The following ODR4 variants were observed in gnomAD, a reference collection of about 807,000 sequenced individuals.
ODR4 encodes odr-4 GPCR localization factor homolog, also known as protein odr-4 homolog.
Under a neutral mutation model 60.2 loss-of-function variants are expected in ODR4, and 47 were observed. The ratio of observed to expected loss-of-function variants is 0.78; its 90% CI spans 0.62 to 1.00. The LOEUF (loss-of-function observed/expected upper bound fraction) is 1.00, where lower values mean the gene tolerates loss of function less well. Among genes scored for constraint, ODR4 ranks in the 50% least tolerant of loss-of-function variants. The pLI, the probability that ODR4 is intolerant of heterozygous loss-of-function variation, is 0.00. For missense variants in ODR4, 488 were observed against 530.8 expected, an observed-to-expected ratio of 0.92 and a Z score of 0.79; for synonymous variants, 178 against 175.5, an observed-to-expected ratio of 1.01 and a Z score of -0.11.
intron 1 of ODR4, among the ~76,000 whole-genome samples, chr1:186,378,301 A>G (rs1571654475): frequency 6.6e-6 from 1 of 152,168 alleles, no homozygotes; most frequent in Non-Finnish European, 1.5e-5. Flanking sequence ...ACAGAATCCA[A>G]ATGATGATGA....
At chr1:186,379,346 G>A (rs2102010404) in intron 1 of ODR4, among the ~76,000 whole-genome samples, 1 of 151,892 alleles carries the variant, frequency 6.6e-6, no homozygotes. Flanking sequence ...AGGAGGCCGA[G>A]GCAGGAGAAT....
At chr1:186,381,805 T>C (rs541047589) in intron 2 of ODR4, among the ~76,000 whole-genome samples, 19 of 152,316 alleles carry the variant, frequency 1.2e-4, no homozygotes, top group South Asian at 2.1e-4. Flanking sequence ...TTCAAAGTTA[T>C]ACATTTTATG....
intron 11 of ODR4, among the ~76,000 whole-genome samples, chr1:186,400,264 A>G (rs2102059147): frequency 6.6e-6 from 1 of 151,800 alleles, no homozygotes; most frequent in African/African-American, 2.4e-5. Context: ...TGCTGGGATT[A>G]CAGGCATGAG....
intron 2 of ODR4, among the ~76,000 whole-genome samples, chr1:186,380,222 T>C (rs1659971915): frequency 2.0e-5 from 3 of 152,212 alleles, no homozygotes; most frequent in Admixed American, 2.0e-4. Flanking sequence ...TCTAATCTTT[T>C]TAATATCTGG....
intron 9 of ODR4, among the ~76,000 whole-genome samples, chr1:186,396,187 C>T (rs1358098993): frequency 6.6e-6 from 1 of 152,118 alleles, no homozygotes; most frequent in Non-Finnish European, 1.5e-5. Flanking sequence ...ATAGAAGTTC[C>T]CTCACCTATA....
intron 12 of ODR4, among the ~76,000 whole-genome samples, chr1:186,408,738 A>T (rs1661265140): frequency 6.6e-6 from 1 of 151,366 alleles, no homozygotes; most frequent in South Asian, 2.1e-4. Flanking sequence ...ATTATTTGTC[A>T]CATTCTTGTG....
intron 12 of ODR4, among the ~76,000 whole-genome samples, chr1:186,407,976 C>T (rs543117973): frequency 3.0e-4 from 46 of 152,194 alleles, no homozygotes; most frequent in African/African-American, 1.1e-3. Flanking sequence ...CTTAAATATA[C>T]TCTGATTTGC....
At chr1:186,412,681 G>A (rs143327766) in intron 12 of ODR4, among the ~76,000 whole-genome samples, 151 of 152,098 alleles carry the variant, frequency 9.9e-4, no homozygotes, top group African/African-American at 3.5e-3. Flanking sequence ...CTCAAAGATA[G>A]TAGATGCCAT....
rs1661170294 is a variant in ODR4, at chr1:186,406,247, A to T, written c.1165A>T (p.Ile389Phe). The change falls in exon 12 of 14, where the codon ATT becomes TTT. Residue 389 changes from isoleucine to phenylalanine, a missense_variant. By Grantham distance (21) the Ile-to-Phe change is conservative (BLOSUM62 0). Transcript: ENST00000287859. Reference protein sequence around the residue: ...DHTIQIEDLEIAEETNTACMS... With the variant: ...DHTIQIEDLEFAEETNTACMS... Reference sequence around the variant, plus strand: ...CACAATTCAAATAGAAGATTTGGAAATTGCAGAGGAAACAAACACAGGTCA... The same window carrying T: ...CACAATTCAAATAGAAGATTTGGAATTTGCAGAGGAAACAAACACAGGTCA... 6.2e-7 allele frequency: 1 copy of T among 1,605,494 alleles called. No individual in the cohort carries two copies. The highest frequency in any genetic ancestry group is 1.1e-5 in the South Asian group (1 of 89,246).
At chr1:186,416,443 G>C (rs1244780144) in intron 12 of ODR4, among the ~76,000 whole-genome samples, 4 of 151,824 alleles carry the variant, frequency 2.6e-5, no homozygotes, top group Non-Finnish European at 5.9e-5. Context: ...AGGCCAAGGT[G>C]GGCAGATTAC....
downstream of ODR4, among the ~76,000 whole-genome samples, chr1:186,425,354 G>T (rs1410068880): frequency 6.6e-6 from 1 of 152,136 alleles, no homozygotes; most frequent in East Asian, 1.9e-4. Flanking sequence ...GAGGTACATA[G>T]CAGTGAATGG....
In ODR4 at chr1:186,395,335, C is replaced by T. The variant is rs573846413; in HGVS notation, c.780+1320C>T. ...GTCTCAATCTCCTGACCATATGATCCGCCTGCCTCGGCCTCCCAAAGTGCT... is the reference window on the plus strand; with the variant it reads ...GTCTCAATCTCCTGACCATATGATCTGCCTGCCTCGGCCTCCCAAAGTGCT... On this transcript the variant is annotated intron_variant, in intron 9 of 13. Transcript: ENST00000287859. Among the ~76,000 whole-genome samples the T allele has an allele frequency of 3.7e-4, 57 of 152,182 alleles. 2 individuals are homozygous for T. Among genetic ancestry groups the T allele is most frequent in the East Asian group, 3.9e-4 (2 of 5,180 alleles).
chr1:186,430,145 C>T, the ODR4 span, among the ~76,000 whole-genome samples: 1 of 151,868 alleles, frequency 6.6e-6, no homozygotes, highest in South Asian at 2.1e-4. Flanking sequence ...GATTATTATT[C>T]ATAAGGACAC....
intron 12 of ODR4, among the ~76,000 whole-genome samples, chr1:186,415,108 G>T (rs1053820996): frequency 6.7e-6 from 1 of 149,216 alleles, no homozygotes; most frequent in Non-Finnish European, 1.5e-5. Context: ...AAGGGGGGAG[G>T]GTTTTTTTGT....
intron 9 of ODR4, among the ~76,000 whole-genome samples, chr1:186,397,344 G>A (rs926524592): frequency 6.6e-6 from 1 of 152,088 alleles, no homozygotes; most frequent in African/African-American, 2.4e-5. Flanking sequence ...GTTGTTGAAT[G>A]ACTTATACTC....
chr1:186,389,456 A>G (rs1003127), intron 5 of ODR4, 132 bp from the exon 6 acceptor site: 201,557 of 661,320 alleles, frequency 0.3, 32,858 homozygotes, highest in Admixed American at 0.39. Flanking sequence ...ATATGTACGC[A>G]TATCTTTAAA....
At chr1:186,427,407 A>G in the ODR4 span, among the ~76,000 whole-genome samples, 345 of 152,302 alleles carry the variant, frequency 2.3e-3, 4 homozygotes, top group African/African-American at 8.0e-3. Flanking sequence ...TTATTTGCTC[A>G]TCCTTAAGAA....
chr1:186,408,173 G>C (rs1433802433), intron 12 of ODR4, among the ~76,000 whole-genome samples: 1 of 152,036 alleles, frequency 6.6e-6, no homozygotes, highest in Non-Finnish European at 1.5e-5. Context: ...GGCTCAGAAA[G>C]GCCAGGTAAC....
intron 11 of ODR4, among the ~76,000 whole-genome samples, chr1:186,399,668 A>G (rs1356915459): frequency 2.0e-5 from 3 of 149,726 alleles, no homozygotes; most frequent in Non-Finnish European, 2.9e-5. Context: ...GTTGATATCT[A>G]TGAGTATTTT....
Sources: allele counts gnomAD v4.1 joint callset (sites outside exome capture counted in the v4.1 genomes callset), GRCh38; gene constraint gnomAD v4.1.1; transcripts MANE v1.5; gene names NCBI Gene and HGNC (gene_info 2026-07-23, HGNC 2026-07-21).